The following SWT1 variants were observed in gnomAD, a reference collection of about 807,000 sequenced individuals.
SWT1 encodes the protein SWT1 RNA endoribonuclease homolog, also known as transcriptional protein SWT1.
Under a neutral mutation model 107.3 loss-of-function variants are expected in SWT1, and 33 were observed. The ratio of observed to expected loss-of-function variants is 0.31; its 90% CI spans 0.23 to 0.41. SWT1 has a LOEUF of 0.41. Among genes scored for constraint, SWT1 ranks in the 10% least tolerant of loss-of-function variants. The probability of loss-of-function intolerance (pLI) is 1.00; values close to 1 mark genes in which losing one functional copy is unlikely to be tolerated. For missense variants in SWT1, 898 were observed against 1,028.9 expected (o/e 0.87, Z 1.74); for synonymous variants, 345 against 348.3 (o/e 0.99, Z 0.11).
intron 16 of SWT1, among the ~76,000 whole-genome samples, chr1:185,270,860 A>G (rs1663807002): frequency 6.6e-6 from 1 of 152,172 alleles, no homozygotes; most frequent in Non-Finnish European, 1.5e-5. Flanking sequence ...AATTTAGTCA[A>G]AATCTTTTAT....
At position 185,216,634 on chromosome 1, in the gene SWT1, A is replaced by G. The variant is rs569174402; in HGVS notation, c.2121+1979A>G. Among the ~76,000 whole-genome samples, 21 of 152,248 alleles carry G rather than the reference A, an allele frequency of 1.4e-4. No homozygotes were observed. In the Middle Eastern group the frequency reaches 0.014, roughly 99 times the overall value. On this transcript the variant is annotated intron_variant, in intron 14 of 18. Coordinates refer to ENST00000367500, the MANE Select transcript of SWT1 (RefSeq NM_017673.7). ...TCAGATAATGATATGCCTACTACGT[A>G]TATGTTGCCCATTGCATACTTAAAA...
In SWT1 at chr1:185,174,679, G is replaced by C. The variant is rs1193970578; in HGVS notation, c.532G>C (p.Val178Leu). The change falls in exon 5 of 19, where the codon GTT (valine) becomes CTT (leucine). Residue 178 changes from valine (V) to leucine (L), a missense_variant. Physicochemically the swap from Val to Leu is conservative, Grantham distance 32. Transcript: ENST00000367500. ...ASENKWSHLL[V>L]QREKMKELKK... ...TGAAAATAAATGGTCTCATTTACTT[G>C]TTCAGAGAGAGAAGATGAAAGAACT... 1 of 1,613,576 alleles carries C rather than the reference G, an allele frequency of 6.2e-7. No homozygotes were observed. The highest frequency in any genetic ancestry group is 8.5e-7 in the Non-Finnish European group (1 of 1,179,904).
chr1:185,168,959 A>G (rs529021128), intron 4 of SWT1, among the ~76,000 whole-genome samples: 3 of 152,320 alleles, frequency 2.0e-5, no homozygotes, highest in South Asian at 4.1e-4. Flanking sequence ...ATAAATAAGT[A>G]TACAAAGTTA....
chr1:185,160,078 A>G (rs887207660), intron 1 of SWT1, among the ~76,000 whole-genome samples: 6 of 152,190 alleles, frequency 3.9e-5, no homozygotes, highest in African/African-American at 1.4e-4. Context: ...GGGATGGGTT[A>G]TCTATTTTAC....
At chr1:185,189,664 C>A (rs1264447802) in intron 9 of SWT1, among the ~76,000 whole-genome samples, 1 of 151,988 alleles carries the variant, frequency 6.6e-6, no homozygotes, top group Non-Finnish European at 1.5e-5. Flanking sequence ...ATAGCCATAT[C>A]CTAGACCATT....
chr1:185,182,110 T>A, intron 7 of SWT1, 53 bp downstream of exon 7: 1 of 1,534,934 alleles, frequency 6.5e-7, no homozygotes, highest in East Asian at 2.3e-5. Context: ...TAAAAATTAA[T>A]GTGCCAATAT....
chr1:185,248,766 C>A, intron 16 of SWT1, among the ~76,000 whole-genome samples: 2 of 128,912 alleles, frequency 1.6e-5, no homozygotes, highest in African/African-American at 3.2e-5. Context: ...AATGAAGATA[C>A]GACTAAGCCA....
chr1:185,158,910 G>T (rs573612812), intron 1 of SWT1, among the ~76,000 whole-genome samples: 51 of 152,304 alleles, frequency 3.3e-4, no homozygotes, highest in South Asian at 2.9e-3. Flanking sequence ...ATATGTGCCA[G>T]GGCTGCTGTC....
chr1:185,204,748 G>T lies in SWT1; in HGVS notation c.1718G>T (p.Gly573Val). Residue 573 changes from glycine to valine, a missense_variant, in exon 12 of 19, where the codon GGA becomes GTA. Coordinates refer to ENST00000367500, the MANE Select transcript of SWT1 (RefSeq NM_017673.7). ...TATAAGGAGGAATCTACAAATTCTG[G>T]ACTGTCCATTCTGCTTGAGAGCATT... is the stretch of plus-strand genomic sequence containing the variant. ...ESYKEESTNS[G>V]LSILLESIVS... The T allele has an allele frequency of 1.2e-6, 2 of 1,600,082 alleles. No individual in the cohort carries two copies. The highest frequency in any genetic ancestry group is 1.7e-6 in the Non-Finnish European group (2 of 1,174,524).
intron 7 of SWT1, among the ~76,000 whole-genome samples, chr1:185,182,722 T>C (rs1211738518): frequency 6.7e-6 from 1 of 150,168 alleles, no homozygotes; most frequent in Non-Finnish European, 1.5e-5. Flanking sequence ...GAAGGTATTA[T>C]ATTTATTGAT....
Position 185,203,362 on chromosome 1 carries a change from G to C in SWT1, c.1669+563G>C, listed in dbSNP as rs138202534. Among the ~76,000 whole-genome samples the C allele has an allele frequency of 5.9e-3, 896 of 152,184 alleles. 32 individuals carry two copies. The East Asian group carries it at 0.095, about 16-fold the overall frequency. On this transcript the variant is annotated intron_variant, in intron 11 of 18. Transcript: ENST00000367500. ...TAACAGGCCGGGTGCACTGGCTTAC[G>C]CCTGTAATCCCAGCACTTTGGGAGG...
intron 18 of SWT1, among the ~76,000 whole-genome samples, chr1:185,286,427 T>C (rs1405150483): frequency 1.3e-5 from 2 of 152,138 alleles, no homozygotes; most frequent in Non-Finnish European, 2.9e-5. Context: ...GGTTTCACCA[T>C]GTTGGCCAGG....
chr1:185,214,867 C>A (rs1035285047), intron 14 of SWT1, among the ~76,000 whole-genome samples: 1 of 152,132 alleles, frequency 6.6e-6, no homozygotes, highest in Non-Finnish European at 1.5e-5. Flanking sequence ...AGTGTCACAG[C>A]AGTTGTTCTT....
intron 1 of SWT1, among the ~76,000 whole-genome samples, chr1:185,159,444 T>A (rs1173075044): frequency 2.6e-5 from 4 of 152,142 alleles, no homozygotes; most frequent in Non-Finnish European, 5.9e-5. Context: ...ACAGCAGGGC[T>A]GGAAAAGTGA....
intron 9 of SWT1, among the ~76,000 whole-genome samples, chr1:185,190,067 C>T (rs984590781): frequency 3.3e-5 from 5 of 152,036 alleles, no homozygotes; most frequent in Admixed American, 1.3e-4. Flanking sequence ...AGGCCGGTCT[C>T]GAACTCCTGA....
intron 16 of SWT1, among the ~76,000 whole-genome samples, chr1:185,268,889 T>G (rs1023506485): frequency 1.1e-4 from 17 of 151,054 alleles, no homozygotes; most frequent in Non-Finnish European, 2.2e-4. Flanking sequence ...GTGTCGCTCT[T>G]TTGCCCAGGC....
At chr1:185,258,995 C>G (rs1662830326) in intron 16 of SWT1, among the ~76,000 whole-genome samples, 3 of 152,064 alleles carry the variant, frequency 2.0e-5, no homozygotes, top group Admixed American at 6.5e-5. Context: ...TTTTCCATCT[C>G]TTTTATTCTT....
chr1:185,173,577 T>C (rs1655284676), intron 4 of SWT1, among the ~76,000 whole-genome samples: 1 of 147,952 alleles, frequency 6.8e-6, no homozygotes, highest in Admixed American at 6.8e-5. Flanking sequence ...GATGTGGTAG[T>C]GTGCATCTGT....
intron 16 of SWT1, among the ~76,000 whole-genome samples, chr1:185,242,983 C>T (rs1267435552): frequency 6.6e-6 from 1 of 152,088 alleles, no homozygotes; most frequent in Admixed American, 6.5e-5. Flanking sequence ...ACTTAAATAA[C>T]AAGTATGTAT....
Sources: allele counts gnomAD v4.1 joint callset (sites outside exome capture counted in the v4.1 genomes callset), GRCh38; gene constraint gnomAD v4.1.1; transcripts MANE v1.5; gene names NCBI Gene and HGNC (gene_info 2026-07-23, HGNC 2026-07-21).